The following BRD10 variants were observed in gnomAD, a reference collection of about 807,000 sequenced individuals.
BRD10 encodes uncharacterized bromodomain-containing protein 10.
the BRD10 span, among the ~76,000 whole-genome samples, chr9:5,884,441 A>C: frequency 1.3e-5 from 2 of 152,138 alleles, no homozygotes; most frequent in Admixed American, 6.5e-5. Context: ...GGAACGACTC[A>C]CAATTCCCTG....
At chr9:5,989,703 TA>T in the BRD10 span, among the ~76,000 whole-genome samples, 2 of 152,020 alleles carry the variant, frequency 1.3e-5, no homozygotes, top group African/African-American at 4.8e-5. Flanking sequence ...CTAACTTTTG[TA>T]ATTTTGTAGA....
the BRD10 span, among the ~76,000 whole-genome samples, chr9:5,953,326 T>C: frequency 2.6e-5 from 4 of 152,122 alleles, no homozygotes; most frequent in South Asian, 2.1e-4. Context: ...AAAGTGTTTA[T>C]TGAAGAAAAT....
chr9:6,006,100 G>C, the BRD10 span, among the ~76,000 whole-genome samples: 1 of 152,154 alleles, frequency 6.6e-6, no homozygotes, highest in Non-Finnish European at 1.5e-5. Context: ...GTATAATGCC[G>C]TTTCAGATAT....
At chr9:5,990,377 A>G in the BRD10 span, among the ~76,000 whole-genome samples, 2 of 152,226 alleles carry the variant, frequency 1.3e-5, no homozygotes, top group South Asian at 4.1e-4. Context: ...GACATCTCAG[A>G]GGTCACAGCA....
the BRD10 span, among the ~76,000 whole-genome samples, chr9:5,980,030 A>G: frequency 2.1e-5 from 3 of 140,954 alleles, no homozygotes; most frequent in Middle Eastern, 4.1e-3. Flanking sequence ...AAAAAAAAAG[A>G]AAAAAAAAAA....
At chr9:5,953,744 T>A in the BRD10 span, among the ~76,000 whole-genome samples, 5 of 151,764 alleles carry the variant, frequency 3.3e-5, no homozygotes, top group Non-Finnish European at 5.9e-5. Flanking sequence ...ATTATTTCTA[T>A]TAAACTGCTT....
chr9:5,938,453 AT>A, the BRD10 span, among the ~76,000 whole-genome samples: 1 of 152,110 alleles, frequency 6.6e-6, no homozygotes, highest in Non-Finnish European at 1.5e-5. Context: ...TATCTTAAAA[AT>A]AATAAAAATA....
At chr9:5,993,988 C>T in the BRD10 span, among the ~76,000 whole-genome samples, 1 of 152,146 alleles carries the variant, frequency 6.6e-6, no homozygotes, top group Non-Finnish European at 1.5e-5. Context: ...TTCATCTAAG[C>T]TTCTGTCTAC....
At chr9:5,968,218 G>C in the BRD10 span, 1 of 1,612,124 alleles carries the variant, frequency 6.2e-7, no homozygotes, top group Non-Finnish European at 8.5e-7. Flanking sequence ...GTTTCTTGTG[G>C]CTCTGTAGTG....
chr9:6,000,181 T>C, the BRD10 span, among the ~76,000 whole-genome samples: 1 of 152,130 alleles, frequency 6.6e-6, no homozygotes, highest in Non-Finnish European at 1.5e-5. Flanking sequence ...AAAGTGTACA[T>C]ACTTAATATT....
chr9:5,941,130 A>G, the BRD10 span, among the ~76,000 whole-genome samples: 1 of 152,136 alleles, frequency 6.6e-6, no homozygotes, highest in African/African-American at 2.4e-5. Flanking sequence ...TTATATGAAA[A>G]ACTTAGAAAT....
chr9:5,969,163 A>C, the BRD10 span: 1 of 1,613,882 alleles, frequency 6.2e-7, no homozygotes, highest in Non-Finnish European at 8.5e-7. Flanking sequence ...GATGTAAGGT[A>C]GGTCTGCGAT....
At chr9:5,994,990 C>A in the BRD10 span, among the ~76,000 whole-genome samples, 2 of 151,822 alleles carry the variant, frequency 1.3e-5, no homozygotes, top group Admixed American at 6.6e-5. Context: ...ACCTCCGCCT[C>A]CCTGGTTCAA....
the BRD10 span, among the ~76,000 whole-genome samples, chr9:5,906,544 A>G: frequency 3.9e-5 from 6 of 152,198 alleles, no homozygotes; most frequent in Non-Finnish European, 8.8e-5. Flanking sequence ...TTTCTGCTTC[A>G]CTATTGATGG....
chr9:5,895,704 G>A, the BRD10 span, among the ~76,000 whole-genome samples: 3 of 152,212 alleles, frequency 2.0e-5, no homozygotes, highest in East Asian at 5.8e-4. Flanking sequence ...GGGTAGGCCA[G>A]GGGTGGAGTC....
the BRD10 span, chr9:5,920,632 G>T: frequency 6.2e-7 from 1 of 1,613,964 alleles, no homozygotes. Context: ...CTGGTGAATG[G>T]AACTGGAGTG....
chr9:5,925,822 T>C, the BRD10 span, among the ~76,000 whole-genome samples: 1 of 152,234 alleles, frequency 6.6e-6, no homozygotes, highest in Non-Finnish European at 1.5e-5. Flanking sequence ...TCCTTCATTA[T>C]TCCTTTTGTT....
the BRD10 span, among the ~76,000 whole-genome samples, chr9:5,989,910 A>G: frequency 1.3e-5 from 2 of 149,680 alleles, no homozygotes; most frequent in Admixed American, 1.3e-4. Flanking sequence ...TTATTACACT[A>G]AATTAGAATA....
At chr9:5,972,747 T>C in the BRD10 span, among the ~76,000 whole-genome samples, 1 of 152,208 alleles carries the variant, frequency 6.6e-6, no homozygotes, top group Admixed American at 6.5e-5. Flanking sequence ...TACAGAACCA[T>C]GAGCCAAATA....
Sources: allele counts gnomAD v4.1 joint callset (sites outside exome capture counted in the v4.1 genomes callset), GRCh38; gene constraint gnomAD v4.1.1; transcripts MANE v1.5; gene names NCBI Gene and HGNC (gene_info 2026-07-23, HGNC 2026-07-21).